The following TRAPPC9 variants were observed in gnomAD, a reference collection of about 807,000 sequenced individuals.
TRAPPC9 encodes IKK2 binding protein.
In TRAPPC9, 83 loss-of-function variants were observed where a neutral mutation model predicts 124.0. The observed-to-expected ratio is 0.67, with a 90% CI of 0.56 to 0.80. The LOEUF is 0.80. Among genes scored for constraint, TRAPPC9 ranks in the 30% least tolerant of loss-of-function variants. TRAPPC9 has a pLI of 0.00. For synonymous variants in TRAPPC9, 638 were observed against 617.5 expected (o/e 1.03, Z -0.49); for missense variants, 1,302 against 1,508.3 (o/e 0.86, Z 2.27).
chr8:139,901,331 T>C (rs1213811148), intron 20 of TRAPPC9, among the ~76,000 whole-genome samples: 1 of 152,254 alleles, frequency 6.6e-6, no homozygotes, highest in African/African-American at 2.4e-5. Context: ...ATTACACTAA[T>C]GGAAAGACTG....
At chr8:140,121,155 G>A (rs2060979732) in intron 17 of TRAPPC9, among the ~76,000 whole-genome samples, 1 of 152,254 alleles carries the variant, frequency 6.6e-6, no homozygotes, top group South Asian at 2.1e-4. Flanking sequence ...GAGTAACCCT[G>A]AAAGAAAAGT....
chr8:140,148,843 T>C (rs2061499002), intron 17 of TRAPPC9, among the ~76,000 whole-genome samples: 1 of 152,214 alleles, frequency 6.6e-6, no homozygotes, highest in South Asian at 2.1e-4. Flanking sequence ...TGGATAGAGT[T>C]ATTCTCATTC....
chr8:139,918,868 G>C (rs997526642), intron 19 of TRAPPC9, among the ~76,000 whole-genome samples: 3 of 152,156 alleles, frequency 2.0e-5, no homozygotes, highest in African/African-American at 4.8e-5. Flanking sequence ...CCTGCACCAC[G>C]GGTCATTTTA....
chr8:140,345,628 A>G (rs1285647542), intron 9 of TRAPPC9, among the ~76,000 whole-genome samples: 1 of 152,184 alleles, frequency 6.6e-6, no homozygotes, highest in Non-Finnish European at 1.5e-5. Context: ...GTCCCTTCCG[A>G]CTAAATGCTG....
chr8:139,927,468 A>T (rs1277894010), intron 19 of TRAPPC9, among the ~76,000 whole-genome samples: 7 of 151,916 alleles, frequency 4.6e-5, no homozygotes, highest in African/African-American at 1.7e-4. Flanking sequence ...TTGGTCTCAA[A>T]CTCCTGGGCT....
intron 17 of TRAPPC9, among the ~76,000 whole-genome samples, chr8:140,140,935 C>G (rs1385335812): frequency 6.6e-6 from 1 of 152,216 alleles, no homozygotes. Flanking sequence ...CAATACTAAT[C>G]ATAGTTAATC....
At chr8:140,215,733 C>A (rs1020635383) in intron 17 of TRAPPC9, among the ~76,000 whole-genome samples, 3 of 151,814 alleles carry the variant, frequency 2.0e-5, no homozygotes, top group African/African-American at 7.3e-5. Flanking sequence ...CTTCCCTAAA[C>A]TTCCGCTTCC....
chr8:139,912,927 G>A (rs1484324630), intron 19 of TRAPPC9, among the ~76,000 whole-genome samples: 1 of 152,200 alleles, frequency 6.6e-6, no homozygotes, highest in African/African-American at 2.4e-5. Flanking sequence ...TATTTCCTAA[G>A]TTTCATGAAA....
chr8:140,361,130 A>G (rs1026098174), intron 8 of TRAPPC9, among the ~76,000 whole-genome samples: 5 of 152,266 alleles, frequency 3.3e-5, no homozygotes, highest in Non-Finnish European at 7.3e-5. Flanking sequence ...AACTTAGACC[A>G]TGAAAAAACG....
At position 139,923,384 on chromosome 8, in the gene TRAPPC9, T is replaced by A. The variant is rs572445166; in HGVS notation, c.2811-13084A>T. Among the ~76,000 whole-genome samples, 29 of 152,196 alleles carry A rather than the reference T, an allele frequency of 1.9e-4. 1 individual carries two copies. The highest frequency in any genetic ancestry group is 1.8e-3 in the Admixed American group (28 of 15,282). ...GTAAAATGCCATGCCGTGGGTTTCTTCCGGCGCCCCATCTGAACACATGGG... is the reference window on the plus strand; with the variant it reads ...GTAAAATGCCATGCCGTGGGTTTCTACCGGCGCCCCATCTGAACACATGGG... On this transcript the variant is annotated intron_variant, in intron 19 of 22. Coordinates refer to ENST00000438773, the MANE Select transcript of TRAPPC9 (RefSeq NM_001160372.4).
At chr8:139,893,819 C>T (rs891765671) in intron 20 of TRAPPC9, among the ~76,000 whole-genome samples, 1 of 152,136 alleles carries the variant, frequency 6.6e-6, no homozygotes, top group Non-Finnish European at 1.5e-5. Context: ...GTGAGGGGAC[C>T]GAGCCTCGGG....
intron 2 of TRAPPC9, among the ~76,000 whole-genome samples, chr8:140,448,689 C>T (rs928716503): frequency 2.0e-5 from 3 of 152,342 alleles, no homozygotes; most frequent in African/African-American, 4.8e-5. Context: ...GGCAGGTGGC[C>T]GCCAAGCTGT....
At chr8:139,802,972 T>G (rs1823649488) in intron 21 of TRAPPC9, among the ~76,000 whole-genome samples, 1 of 152,054 alleles carries the variant, frequency 6.6e-6, no homozygotes, top group Non-Finnish European at 1.5e-5. Context: ...GTTGTGTGAG[T>G]GCATTGTGTG....
Position 140,194,631 on chromosome 8 carries a change from G to C in TRAPPC9, c.2556+26828C>G, listed in dbSNP as rs114219422. On this transcript the variant is annotated intron_variant, in intron 17 of 22. Transcript: ENST00000438773. Reference sequence around the variant, plus strand: ...GGCACATTCTGTGCCTGGACCTAGGGCACTCGCTGACTGGAAGGTCCCAAA... The same window carrying C: ...GGCACATTCTGTGCCTGGACCTAGGCCACTCGCTGACTGGAAGGTCCCAAA... Among the ~76,000 whole-genome samples the C allele has an allele frequency of 4.8e-3, 732 of 152,228 alleles. 7 individuals are homozygous for C. Among genetic ancestry groups the C allele is most frequent in the African/African-American group, 0.017 (701 of 41,538 alleles).
intron 18 of TRAPPC9, among the ~76,000 whole-genome samples, chr8:139,993,820 GT>G (rs1837795477): frequency 6.6e-6 from 1 of 152,072 alleles, no homozygotes; most frequent in Admixed American, 6.5e-5. Context: ...TTTAAAATAT[GT>G]TTTAAAATAC....
Position 140,257,399 on chromosome 8 carries a change from A to C in TRAPPC9, c.2279-4470T>G, listed in dbSNP as rs115897996. Among the ~76,000 whole-genome samples the C allele has an allele frequency of 8.4e-3, 1,284 of 152,036 alleles. 16 individuals are homozygous for C. The highest frequency in any genetic ancestry group is 0.03 in the African/African-American group (1,224 of 41,460). The stretch of plus-strand genomic sequence containing the variant: ...GAGCCAACCTGTCCACCTTCCTTCT[A>C]CTTCTCCTCCAATGGCACTCGGAGG... On this transcript the variant is annotated intron_variant, in intron 15 of 22. Coordinates refer to ENST00000438773, the MANE Select transcript of TRAPPC9 (RefSeq NM_001160372.4). The surrounding 1 kb of genome is among the most constrained non-coding windows in gnomAD (Gnocchi z 4.6).
At chr8:139,947,926 A>AGAGAGAGC (rs1554678330) in intron 19 of TRAPPC9, among the ~76,000 whole-genome samples, 2 of 133,540 alleles carry the variant, frequency 1.5e-5, no homozygotes, top group Non-Finnish European at 3.2e-5. Context: ...AGAGAGAGCG[A>AGAGAGAGC]GAGAGAGAGA....
rs571841542 is a variant in TRAPPC9 at position 139,733,059 on chromosome 8, G to A, written c.3056-857C>T. On this transcript the variant is annotated intron_variant, in intron 21 of 22. Coordinates refer to ENST00000438773, the MANE Select transcript of TRAPPC9 (RefSeq NM_001160372.4). ...GATGATCAGGGTGGCAGGTTTCATG[G>A]TGATCCCCAAAAGATACGTGAGAAT... Among the ~76,000 whole-genome samples the A allele has an allele frequency of 8.5e-5, 13 of 152,248 alleles. No homozygotes were observed. In the East Asian group the frequency reaches 2.5e-3, roughly 29 times the overall value.
intron 19 of TRAPPC9, among the ~76,000 whole-genome samples, chr8:139,935,511 C>A (rs1563934172): frequency 6.6e-6 from 1 of 152,114 alleles, no homozygotes; most frequent in Non-Finnish European, 1.5e-5. Context: ...GTGTTTGAGT[C>A]CTCCCCTCCC....
Sources: gnomAD v4.1 joint callset for allele counts (sites outside exome capture counted in the v4.1 genomes callset) on GRCh38, gnomAD v4.1.1 for gene constraint, Gnocchi (gnomAD v3.1) non-coding constraint, MANE v1.5 for transcripts, NCBI Gene and HGNC (gene_info 2026-07-23, HGNC 2026-07-21) for gene names.